The following ADAMTS20 variants were observed in gnomAD, a reference collection of about 807,000 sequenced individuals.
The protein encoded by ADAMTS20 is ADAM metallopeptidase with thrombospondin type 1 motif 20, also known as A disintegrin and metalloproteinase with thrombospondin motifs 20.
In ADAMTS20, 225 loss-of-function variants were observed where a neutral mutation model predicts 260.1. That is an observed-to-expected ratio of 0.87 (90% CI 0.78 to 0.97). The LOEUF (loss-of-function observed/expected upper bound fraction) is 0.97. Among genes scored for constraint, ADAMTS20 ranks in the 50% least tolerant of loss-of-function variants. ADAMTS20 has a pLI of 0.00. For missense variants in ADAMTS20, 2,400 were observed against 2,337.7 expected (o/e 1.03, Z -0.55); for synonymous variants, 802 against 769.5 (o/e 1.04, Z -0.70).
At chr12:43,443,969 T>G in intron 15 of ADAMTS20, 86 bp from the exon 16 acceptor site, 9 of 1,013,010 alleles carry the variant, frequency 8.9e-6, no homozygotes, top group Non-Finnish European at 1.2e-5. Context: ...AAAATTCGAA[T>G]AGCATAGTCA....
chr12:43,367,231 A>C (rs1940006336), intron 37 of ADAMTS20, among the ~76,000 whole-genome samples: 1 of 152,028 alleles, frequency 6.6e-6, no homozygotes, highest in South Asian at 2.1e-4. Context: ...AAAATGAGAC[A>C]GATATCACAA....
At chr12:43,547,110 G>A (rs1388614473) in intron 2 of ADAMTS20, among the ~76,000 whole-genome samples, 1 of 152,128 alleles carries the variant, frequency 6.6e-6, no homozygotes, top group African/African-American at 2.4e-5. Flanking sequence ...CACATGTTTG[G>A]GGTTAATTCA....
At chr12:43,508,742 C>T (rs1942881327) in intron 3 of ADAMTS20, among the ~76,000 whole-genome samples, 2 of 152,096 alleles carry the variant, frequency 1.3e-5, no homozygotes, top group Admixed American at 1.3e-4. Flanking sequence ...AGCATTTCTC[C>T]TTTCCTTGTG....
In ADAMTS20 at chr12:43,377,426, AC is replaced by A; in HGVS notation, c.4933del (p.Val1645PhefsTer24). On this transcript the variant is annotated frameshift_variant, in exon 32 of 39. Transcript: ENST00000389420. LOFTEE classifies it high-confidence loss of function. ...QECPVVPSSQ[V>X]YQCINSCLHL... ...CAAACAGCTGTTAATGCATTGGTAA[AC>A]CTGAGAGGAAGGCACCACAGGGCAT... The A allele has an allele frequency of 1.9e-6, 3 of 1,613,616 alleles. No homozygotes were observed. The highest frequency in any genetic ancestry group is 2.5e-6 in the Non-Finnish European group (3 of 1,179,696).
chr12:43,539,079 A>G (rs961758325), intron 2 of ADAMTS20, among the ~76,000 whole-genome samples: 1 of 151,658 alleles, frequency 6.6e-6, no homozygotes, highest in Non-Finnish European at 1.5e-5. Context: ...CAGCCTCCCA[A>G]GTAGCTGGGA....
At chr12:43,535,157 G>C (rs2137510139) in intron 2 of ADAMTS20, among the ~76,000 whole-genome samples, 1 of 152,154 alleles carries the variant, frequency 6.6e-6, no homozygotes, top group South Asian at 2.1e-4. Flanking sequence ...ATGTTTGTTT[G>C]CTATTTAAAA....
chr12:43,414,693 A>C (rs752517820), intron 28 of ADAMTS20, among the ~76,000 whole-genome samples: 1 of 152,122 alleles, frequency 6.6e-6, no homozygotes, highest in Non-Finnish European at 1.5e-5. Context: ...TCAAGTGTTG[A>C]CAAGGATTTG....
At chr12:43,374,298 T>G (rs907156441) in intron 36 of ADAMTS20, among the ~76,000 whole-genome samples, 4 of 152,168 alleles carry the variant, frequency 2.6e-5, no homozygotes, top group African/African-American at 9.7e-5. Context: ...TTCATGCATA[T>G]ACTGTCTTAA....
chr12:43,378,008 G>A (rs1940267996), intron 31 of ADAMTS20, among the ~76,000 whole-genome samples: 2 of 152,124 alleles, frequency 1.3e-5, no homozygotes, highest in South Asian at 4.1e-4. Flanking sequence ...AATAACACTT[G>A]ACTAAAATAG....
intron 14 of ADAMTS20, among the ~76,000 whole-genome samples, chr12:43,449,307 G>A (rs1344672787): frequency 6.6e-6 from 1 of 152,058 alleles, no homozygotes; most frequent in Admixed American, 6.6e-5. Context: ...TGCAGCCATA[G>A]AAAAGAATAA....
In ADAMTS20 at chr12:43,376,985, T is replaced by C. The variant is rs1193929374; in HGVS notation, c.4996-332A>G. The stretch of plus-strand genomic sequence containing the variant: ...TAAGTTATATGCTAAGTTTGCAAAG[T>C]GATATTTACTTGCTTTCTATCAATT... On this transcript the variant is annotated intron_variant, in intron 32 of 38. Coordinates refer to ENST00000389420, the MANE Select transcript of ADAMTS20 (RefSeq NM_025003.5). Among the ~76,000 whole-genome samples the C allele has an allele frequency of 2.6e-5, 4 of 152,226 alleles. No homozygotes were observed. In the East Asian group the frequency reaches 5.8e-4, roughly 22 times the overall value.
intron 3 of ADAMTS20, among the ~76,000 whole-genome samples, chr12:43,513,190 A>T (rs887964957): frequency 6.6e-6 from 1 of 152,204 alleles, no homozygotes; most frequent in African/African-American, 2.4e-5. Flanking sequence ...TCCTACAGAT[A>T]TCAAAACATT....
chr12:43,547,402 T>A (rs1382677269), intron 2 of ADAMTS20, among the ~76,000 whole-genome samples: 1 of 152,090 alleles, frequency 6.6e-6, no homozygotes, highest in South Asian at 2.1e-4. Context: ...CTAAGATGTA[T>A]GTACATTAAC....
chr12:43,534,696 A>G (rs1592114498), intron 2 of ADAMTS20, among the ~76,000 whole-genome samples: 1 of 152,278 alleles, frequency 6.6e-6, no homozygotes, highest in South Asian at 2.1e-4. Flanking sequence ...AAGAACTCCA[A>G]TGCATATCAT....
chr12:43,432,834 C>A (rs757478994), intron 19 of ADAMTS20, 23 bp from the exon 20 acceptor site: 1 of 1,564,592 alleles, frequency 6.4e-7, no homozygotes, highest in African/African-American at 1.4e-5. Flanking sequence ...TGTTACTATA[C>A]TTAGGAGGTA....
chr12:43,375,944 C>T, intron 35 of ADAMTS20, 113 bp downstream of exon 35: 1 of 776,954 alleles, frequency 1.3e-6, no homozygotes, highest in Non-Finnish European at 2.0e-6. Flanking sequence ...CTACCTGCTC[C>T]TACATTATTT....
intron 28 of ADAMTS20, among the ~76,000 whole-genome samples, chr12:43,400,946 CT>C (rs1201231819): frequency 4.0e-5 from 6 of 151,898 alleles, no homozygotes; most frequent in African/African-American, 1.4e-4. Flanking sequence ...GCATCTCTTG[CT>C]TTTGCCCTTG....
chr12:43,405,229 C>CAAAAAAAAAAAA (rs869040570), intron 28 of ADAMTS20, among the ~76,000 whole-genome samples: 6 of 52,788 alleles, frequency 1.1e-4, no homozygotes, highest in Admixed American at 2.9e-4. Flanking sequence ...CTCATCTCTA[C>CAAAAAAAAAAAA]AAAAAAAAAA....
chr12:43,389,727 A>G (rs1323094983), intron 29 of ADAMTS20, among the ~76,000 whole-genome samples: 1 of 151,822 alleles, frequency 6.6e-6, no homozygotes, highest in Non-Finnish European at 1.5e-5. Context: ...TTTTTTTGCC[A>G]CTTTAGAACA....
Sources: allele counts gnomAD v4.1 joint callset (sites outside exome capture counted in the v4.1 genomes callset), GRCh38; gene constraint gnomAD v4.1.1; transcripts MANE v1.5; gene names NCBI Gene and HGNC (gene_info 2026-07-23, HGNC 2026-07-21).